Variants in GLI2 observed in about 807,000 individuals in gnomAD.
GLI2 encodes GLI family zinc finger 2, also known as transcription activator GLI2.
A neutral mutation model predicts 78.9 loss-of-function variants in GLI2; 22 were observed. The ratio of observed to expected loss-of-function variants is 0.28; its 90% CI spans 0.20 to 0.40. The LOEUF is 0.40. Ranked by LOEUF, GLI2 falls within the 10% of genes least tolerant of loss-of-function variation. The pLI is 1.00. For synonymous variants in GLI2, 974 were observed against 963.7 expected (o/e 1.01, Z -0.20); for missense variants, 2,097 against 2,213.2 (o/e 0.95, Z 1.05).
intron 2 of GLI2, among the ~76,000 whole-genome samples, chr2:120,890,369 T>C (rs1677619013): frequency 6.6e-6 from 1 of 152,160 alleles, no homozygotes; most frequent in Admixed American, 6.5e-5. Context: ...CTGTTTAGTA[T>C]CCTGACTGAG....
intron 1 of GLI2, among the ~76,000 whole-genome samples, chr2:120,777,593 G>T (rs1375621465): frequency 4.0e-5 from 6 of 151,770 alleles, no homozygotes; most frequent in Non-Finnish European, 4.4e-5. Context: ...TGCCTCTGGG[G>T]GGCTACTTGT....
In GLI2 at chr2:120,775,194, C is replaced by T. The variant is rs148365059; in HGVS notation, c.-30-22097C>T. On this transcript the variant is annotated intron_variant, in intron 1 of 13. Transcript: ENST00000361492. ...TTTAAGCTTTGTGTAGATATGGGCC[C>T]GCTCAGCATTTCAAGCCATTTAACC... Among the ~76,000 whole-genome samples the T allele has an allele frequency of 6.0e-3, 910 of 151,882 alleles. 6 individuals are homozygous for T. Among genetic ancestry groups the T allele is most frequent in the African/African-American group, 0.02 (827 of 41,372 alleles).
At position 120,986,763 on chromosome 2, in the gene GLI2, A is replaced by G. The variant is rs974091881; in HGVS notation, c.2242+149A>G. 8 of 666,586 alleles carry G rather than the reference A, an allele frequency of 1.2e-5. No individual in the cohort carries two copies. In the African/African-American group the frequency reaches 1.3e-4, roughly 11 times the overall value. 41.3% of individuals were successfully genotyped at this position (666,586 alleles called of 1,614,324 possible). A position where few individuals can be genotyped will look rare whatever the true frequency, so the allele number is the denominator to read the frequency against. On this transcript the variant is annotated intron_variant, in intron 13 of 13. Transcript: ENST00000361492. ...TACAGAAAAGGAAACTGAGGCTCAG[A>G]GAGGTGAAATGCCTTACCCAAATCA...
At chr2:120,792,836 C>T (rs182374051) in intron 1 of GLI2, among the ~76,000 whole-genome samples, 32 of 152,266 alleles carry the variant, frequency 2.1e-4, no homozygotes, top group African/African-American at 5.5e-4. Flanking sequence ...TTGGTCAAGA[C>T]GGTCTTCATC....
intron 2 of GLI2, among the ~76,000 whole-genome samples, chr2:120,865,713 C>G (rs1377762069): frequency 6.6e-6 from 1 of 152,240 alleles, no homozygotes; most frequent in Non-Finnish European, 1.5e-5. Flanking sequence ...CTCCCCATCC[C>G]TGCCATCCCA....
intron 2 of GLI2, among the ~76,000 whole-genome samples, chr2:120,919,277 A>G (rs1296786141): frequency 6.6e-6 from 1 of 152,382 alleles, no homozygotes; most frequent in East Asian, 1.9e-4. Context: ...GGAGAATCCC[A>G]AAGTCCCCCA....
intron 1 of GLI2, among the ~76,000 whole-genome samples, chr2:120,781,035 C>T (rs1478204724): frequency 6.6e-6 from 1 of 152,172 alleles, no homozygotes; most frequent in African/African-American, 2.4e-5. Context: ...ATATCTCTTC[C>T]ACTCTGCATG....
chr2:120,816,493 C>A (rs1481593669), intron 2 of GLI2, among the ~76,000 whole-genome samples: 1 of 152,108 alleles, frequency 6.6e-6, no homozygotes, highest in Non-Finnish European at 1.5e-5. Context: ...CGGCGCCCGG[C>A]CCCAAAGAGC....
chr2:120,760,515 C>T (rs918746732), intron 1 of GLI2, among the ~76,000 whole-genome samples: 6 of 152,146 alleles, frequency 3.9e-5, no homozygotes, highest in Admixed American at 6.5e-5. Flanking sequence ...TCCCCTTTGG[C>T]ACTTGTATGT....
At chr2:120,801,452 T>C (rs1292081839) in intron 2 of GLI2, among the ~76,000 whole-genome samples, 1 of 152,220 alleles carries the variant, frequency 6.6e-6, no homozygotes. Flanking sequence ...TCTGAGTTCT[T>C]TATATCTGTG....
chr2:120,838,059 A>G (rs1051140428), intron 2 of GLI2, among the ~76,000 whole-genome samples: 1 of 152,004 alleles, frequency 6.6e-6, no homozygotes, highest in Non-Finnish European at 1.5e-5. Flanking sequence ...TTATTTGTGA[A>G]TGAATTTGGA....
intron 9 of GLI2, among the ~76,000 whole-genome samples, chr2:120,977,979 G>A (rs746886592): frequency 6.6e-6 from 1 of 152,194 alleles, no homozygotes; most frequent in African/African-American, 2.4e-5. Flanking sequence ...CTTAGGAGAG[G>A]CTTCTCATGC....
At chr2:120,744,532 A>G (rs903733451) in intron 1 of GLI2, among the ~76,000 whole-genome samples, 4 of 152,262 alleles carry the variant, frequency 2.6e-5, no homozygotes, top group African/African-American at 9.6e-5. Flanking sequence ...GATGTGGTAC[A>G]TAATATAGTA....
chr2:120,739,262 T>G (rs1037320323), intron 1 of GLI2, among the ~76,000 whole-genome samples: 17 of 152,164 alleles, frequency 1.1e-4, no homozygotes, highest in African/African-American at 4.1e-4. Flanking sequence ...AACACCCTTC[T>G]TCCATTGTCC....
intron 2 of GLI2, among the ~76,000 whole-genome samples, chr2:120,910,623 A>G (rs1269883413): frequency 6.6e-6 from 1 of 152,210 alleles, no homozygotes; most frequent in South Asian, 2.1e-4. Context: ...GCTAACAACC[A>G]GCATCCCACA....
rs1007863995 is a variant in GLI2, at chr2:120,737,176, TCCCCGGACGGGGCGGGGGCG to T, written c.-31+892_-31+911del. Reference sequence around the variant, plus strand: ...TAAGGGTTTAGAGAGGGGAGTCTTTTCCCCGGACGGGGCGGGGGCGGGGAGCTGGGAGGGAGCGTGTGCTT... The same window carrying T: ...TAAGGGTTTAGAGAGGGGAGTCTTTTGGGAGCTGGGAGGGAGCGTGTGCTT... On this transcript the variant is annotated intron_variant, in intron 1 of 13. Transcript: ENST00000361492. This position sits in a 1 kb window ranked among gnomAD's most constrained non-coding sequence, Gnocchi z 4.3. Among the ~76,000 whole-genome samples, 1 of 151,672 alleles carries T rather than the reference TCCCCGGACGGGGCGGGGGCG, an allele frequency of 6.6e-6. No homozygotes were observed. The highest frequency in any genetic ancestry group is 1.5e-5 in the Non-Finnish European group (1 of 67,878).
At chr2:120,939,652 T>C (rs2104911473) in intron 3 of GLI2, among the ~76,000 whole-genome samples, 1 of 152,338 alleles carries the variant, frequency 6.6e-6, no homozygotes, top group Middle Eastern at 3.4e-3. Context: ...TCATTTGGGC[T>C]GCTCCGAAGC....
chr2:120,760,985 G>A (rs970710606), intron 1 of GLI2, among the ~76,000 whole-genome samples: 5 of 152,208 alleles, frequency 3.3e-5, no homozygotes, highest in African/African-American at 7.2e-5. Flanking sequence ...GGAAAAGCAG[G>A]GTGGGAAGGA....
chr2:120,842,000 T>C (rs28416224), intron 2 of GLI2, among the ~76,000 whole-genome samples: 7,660 of 151,212 alleles, frequency 0.051, 235 homozygotes, highest in East Asian at 0.09. Context: ...TAAAATTTTA[T>C]TATTTTAGCT....
Sources: allele counts gnomAD v4.1 joint callset (sites outside exome capture counted in the v4.1 genomes callset), GRCh38; gene constraint gnomAD v4.1.1; non-coding constraint Gnocchi (gnomAD v3.1); transcripts MANE v1.5; gene names NCBI Gene and HGNC (gene_info 2026-07-23, HGNC 2026-07-21).